Variants in AFF1 observed in about 807,000 individuals in gnomAD.
AFF1 encodes AF4/FMR2 family member 1.
AFF1 carries 48 observed loss-of-function variants against 121.7 expected under a neutral mutation model. The observed-to-expected ratio is 0.39, with a 90% confidence interval of 0.31 to 0.50. The LOEUF is 0.50. Ranked by LOEUF, AFF1 falls within the 20% of genes least tolerant of loss-of-function variation. AFF1 has a pLI of 0.76. For synonymous variants in AFF1, 613 were observed against 563.0 expected, an observed-to-expected ratio of 1.09 and a Z score of -1.26; for missense variants, 1,523 against 1,511.7, an observed-to-expected ratio of 1.01 and a Z score of -0.12.
intron 19 of AFF1, 82 bp from the exon 20 acceptor site, chr4:87,134,389 G>A (rs978037178): frequency 2.3e-6 from 3 of 1,281,332 alleles, no homozygotes; most frequent in African/African-American, 1.5e-5. Context: ...GTCTTGGACT[G>A]TAGTTCCAGA....
At chr4:86,981,253 C>T (rs911123805) in intron 2 of AFF1, among the ~76,000 whole-genome samples, 1 of 152,158 alleles carries the variant, frequency 6.6e-6, no homozygotes, top group Non-Finnish European at 1.5e-5. Context: ...ACCTCGTGAT[C>T]TGCCTGCCTC....
intron 8 of AFF1, among the ~76,000 whole-genome samples, chr4:87,096,767 A>G (rs1437478110): frequency 1.3e-5 from 2 of 150,840 alleles, no homozygotes; most frequent in South Asian, 4.2e-4. Flanking sequence ...TAATTTTTAC[A>G]TATTTATGTT....
chr4:87,051,433 G>T (rs2007132), intron 4 of AFF1, among the ~76,000 whole-genome samples: 84,863 of 143,552 alleles, frequency 0.59, 26,662 homozygotes, highest in African/African-American at 0.86. Flanking sequence ...TTTTTTTAAC[G>T]TACTCATTCA....
intron 12 of AFF1, among the ~76,000 whole-genome samples, chr4:87,120,915 G>C (rs904539520): frequency 2.0e-4 from 31 of 152,296 alleles, no homozygotes; most frequent in African/African-American, 7.5e-4. Flanking sequence ...AGCGCAGCCT[G>C]CCGAGAGGCT....
intron 17 of AFF1, 56 bp downstream of exon 17, chr4:87,131,275 T>C: frequency 6.3e-7 from 1 of 1,599,632 alleles, no homozygotes; most frequent in Non-Finnish European, 8.5e-7. Context: ...CTCACCTTTA[T>C]TGTTTTAATC....
chr4:87,053,189 G>T (rs988165707), intron 4 of AFF1, among the ~76,000 whole-genome samples: 11 of 152,170 alleles, frequency 7.2e-5, no homozygotes, highest in African/African-American at 2.7e-4. Flanking sequence ...TCCTCCTCCA[G>T]ATCAGTCTGG....
At chr4:86,990,510 A>G (rs1250864000) in intron 2 of AFF1, among the ~76,000 whole-genome samples, 2 of 152,068 alleles carry the variant, frequency 1.3e-5, no homozygotes, top group East Asian at 1.9e-4. Flanking sequence ...GGGGAACCTA[A>G]GTTCTTGAGT....
At chr4:87,070,102 C>G (rs563919498) in intron 4 of AFF1, among the ~76,000 whole-genome samples, 35 of 152,320 alleles carry the variant, frequency 2.3e-4, no homozygotes, top group African/African-American at 8.2e-4. Flanking sequence ...CTCCCGGGTT[C>G]AAGTGATTGT....
chr4:87,010,955 T>C (rs1270002269), intron 2 of AFF1, among the ~76,000 whole-genome samples: 2 of 151,530 alleles, frequency 1.3e-5, no homozygotes, highest in Non-Finnish European at 2.9e-5. Flanking sequence ...GGCGGGCGCC[T>C]GTAGTCCCAG....
chr4:87,070,671 T>C (rs1383327643), intron 4 of AFF1, among the ~76,000 whole-genome samples: 1 of 152,256 alleles, frequency 6.6e-6, no homozygotes, highest in Non-Finnish European at 1.5e-5. Flanking sequence ...TAAAAGATGG[T>C]GGGTGCTTCT....
chr4:87,010,614 A>AT (rs895577362), intron 2 of AFF1, among the ~76,000 whole-genome samples: 16 of 152,242 alleles, frequency 1.1e-4, no homozygotes, highest in South Asian at 8.3e-4. Context: ...TTATAGACAT[A>AT]TTTTTTTCCT....
chr4:87,043,039 A>G (rs564379705), intron 2 of AFF1, among the ~76,000 whole-genome samples: 59 of 152,304 alleles, frequency 3.9e-4, no homozygotes, highest in African/African-American at 1.4e-3. Flanking sequence ...GCAGCCTGTT[A>G]GTTGAGGTGT....
intron 12 of AFF1, among the ~76,000 whole-genome samples, chr4:87,122,807 T>G (rs535993236): frequency 7.6e-6 from 1 of 132,334 alleles, no homozygotes; most frequent in Admixed American, 8.7e-5. Flanking sequence ...AAATAGAATA[T>G]AAGCCACATA....
chr4:87,050,152 G>T (rs945099664), intron 4 of AFF1, among the ~76,000 whole-genome samples: 1 of 152,172 alleles, frequency 6.6e-6, no homozygotes, highest in African/African-American at 2.4e-5. Context: ...TTTGAATATA[G>T]GTGAGAATAT....
intron 2 of AFF1, among the ~76,000 whole-genome samples, chr4:86,982,364 C>A (rs546675225): frequency 1.4e-5 from 2 of 140,034 alleles, no homozygotes; most frequent in South Asian, 4.5e-4. Flanking sequence ...AGAAGGCAAG[C>A]GCTGTTCAAA....
chr4:87,068,794 T>C (rs963461060), intron 4 of AFF1, among the ~76,000 whole-genome samples: 1 of 152,166 alleles, frequency 6.6e-6, no homozygotes, highest in Non-Finnish European at 1.5e-5. Context: ...CAAAGTTCTT[T>C]CCTGTAAGGG....
At chr4:87,024,267 A>C (rs940428269) in intron 2 of AFF1, among the ~76,000 whole-genome samples, 20 of 152,332 alleles carry the variant, frequency 1.3e-4, no homozygotes, top group Admixed American at 4.6e-4. Context: ...AAAGGAAGGC[A>C]TAGAAAATGG....
intron 4 of AFF1, among the ~76,000 whole-genome samples, chr4:87,064,595 G>A (rs1298878614): frequency 6.6e-6 from 1 of 152,036 alleles, no homozygotes; most frequent in Non-Finnish European, 1.5e-5. Flanking sequence ...TTAAAAATTA[G>A]CGGCTGGGCA....
chr4:87,055,872 A>G (rs1045954485), intron 4 of AFF1, among the ~76,000 whole-genome samples: 4 of 152,210 alleles, frequency 2.6e-5, no homozygotes, highest in Admixed American at 2.6e-4. Context: ...GCCAACAGCA[A>G]TTTGACATTA....
Sources: allele counts gnomAD v4.1 joint callset (sites outside exome capture counted in the v4.1 genomes callset), GRCh38; gene constraint gnomAD v4.1.1; transcripts MANE v1.5; gene names NCBI Gene and HGNC (gene_info 2026-07-23, HGNC 2026-07-21).